Variants in INTS9 observed in about 807,000 individuals in gnomAD.
The protein encoded by INTS9 is integrator complex subunit 9, also known as protein related to CPSF subunits of 74 kDa.
In INTS9, 55 loss-of-function variants were observed where a neutral mutation model predicts 79.7. The ratio of observed to expected loss-of-function variants is 0.69; its 90% CI spans 0.56 to 0.86. INTS9 has a LOEUF of 0.86. Ranked by LOEUF, INTS9 falls within the 40% of genes least tolerant of loss-of-function variation. INTS9 has a pLI of 0.00. For synonymous variants in INTS9, 319 were observed against 325.2 expected, an observed-to-expected ratio of 0.98 and a Z score of 0.20; for missense variants, 721 against 831.5, an observed-to-expected ratio of 0.87 and a Z score of 1.64.
intron 1 of INTS9, among the ~76,000 whole-genome samples, 192 bp downstream of exon 1, chr8:28,889,682 A>G (rs1234295923): frequency 1.3e-5 from 2 of 152,118 alleles, no homozygotes; most frequent in Non-Finnish European, 2.9e-5. Flanking sequence ...ACCTCCTGGG[A>G]GGGATGGGGT....
chr8:28,882,280 A>G (rs1382265531), intron 1 of INTS9, among the ~76,000 whole-genome samples: 2 of 132,542 alleles, frequency 1.5e-5, no homozygotes, highest in East Asian at 4.0e-4. Flanking sequence ...AGTCATCACC[A>G]CTCCCTAATC....
intron 6 of INTS9, among the ~76,000 whole-genome samples, 173 bp downstream of exon 6, chr8:28,835,119 G>C (rs1806728223): frequency 6.6e-6 from 1 of 152,188 alleles, no homozygotes; most frequent in South Asian, 2.1e-4. Context: ...GCACATAGTT[G>C]CCTCTCAAAA....
intron 2 of INTS9, among the ~76,000 whole-genome samples, chr8:28,858,673 T>C (rs1317365782): frequency 1.3e-5 from 2 of 150,542 alleles, no homozygotes; most frequent in East Asian, 3.8e-4. Flanking sequence ...GGGTTATCAC[T>C]GTGAATAATC....
At chr8:28,795,765 A>C (rs538855895) in intron 9 of INTS9, among the ~76,000 whole-genome samples, 41 of 152,246 alleles carry the variant, frequency 2.7e-4, no homozygotes, top group African/African-American at 9.6e-4. Context: ...TGGCACGCTA[A>C]TCTCAGACTT....
At chr8:28,769,790 C>T (rs1802419753) in intron 16 of INTS9, 99 bp downstream of exon 16, 4 of 1,471,692 alleles carry the variant, frequency 2.7e-6, no homozygotes, top group Admixed American at 1.9e-5. Flanking sequence ...GACTAAGTGA[C>T]AAGCAGCAAC....
intron 12 of INTS9, among the ~76,000 whole-genome samples, chr8:28,778,951 C>T (rs942070733): frequency 8.5e-5 from 13 of 152,352 alleles, no homozygotes; most frequent in African/African-American, 3.1e-4. Flanking sequence ...CTCCCAGACA[C>T]AACTTCTGCC....
At chr8:28,777,377 T>C (rs1055907559) in intron 13 of INTS9, among the ~76,000 whole-genome samples, 2 of 152,144 alleles carry the variant, frequency 1.3e-5, no homozygotes, top group Admixed American at 6.5e-5. Context: ...ACTTCTTCCC[T>C]TTCTCCAGGG....
In INTS9 at chr8:28,801,199, T is replaced by G. The variant is rs183156785; in HGVS notation, c.745-4544A>C. Among the ~76,000 whole-genome samples, 15 of 152,312 alleles carry G rather than the reference T, an allele frequency of 9.8e-5. No homozygotes were observed. The East Asian group carries it at 2.1e-3, about 22-fold the overall frequency. On this transcript the variant is annotated intron_variant, in intron 8 of 16. Transcript: ENST00000521022. ...AGCAACTGCCTTAGTTCTTAAAAATTTGATTCGGCTGGGCACGGTGGCTCA... is the reference window on the plus strand; with the variant it reads ...AGCAACTGCCTTAGTTCTTAAAAATGTGATTCGGCTGGGCACGGTGGCTCA...
At chr8:28,848,315 A>G (rs747790564) in intron 3 of INTS9, among the ~76,000 whole-genome samples, 6 of 152,244 alleles carry the variant, frequency 3.9e-5, no homozygotes, top group Non-Finnish European at 8.8e-5. Flanking sequence ...ACATGTATCT[A>G]TATTTACACA....
At chr8:28,809,198 A>G (rs189587655) in intron 8 of INTS9, among the ~76,000 whole-genome samples, 1 of 152,234 alleles carries the variant, frequency 6.6e-6, no homozygotes, top group East Asian at 1.9e-4. Context: ...GGCTCAAGCA[A>G]TCATCTTGCC....
intron 6 of INTS9, among the ~76,000 whole-genome samples, chr8:28,817,905 C>T (rs1156542150): frequency 1.3e-5 from 2 of 151,168 alleles, no homozygotes; most frequent in South Asian, 4.2e-4. Context: ...GTATTTTATT[C>T]TCTTTGAAGC....
intron 1 of INTS9, among the ~76,000 whole-genome samples, chr8:28,880,600 G>T (rs1269201250): frequency 6.6e-6 from 1 of 150,598 alleles, no homozygotes; most frequent in African/African-American, 2.4e-5. Context: ...GCGTGATCTC[G>T]GCTCGCTACA....
In INTS9 at chr8:28,878,933, T is replaced by C. The variant is rs970039635; in HGVS notation, c.9+10941A>G. On this transcript the variant is annotated intron_variant, in intron 1 of 16. Coordinates refer to ENST00000521022, the MANE Select transcript of INTS9 (RefSeq NM_018250.4). ...AGGTAGAGATTGCAGTGAGCCAAGA[T>C]TGCCCACCGCACTCCGGCCTGGGTG... Among the ~76,000 whole-genome samples the C allele has an allele frequency of 1.1e-4, 16 of 151,446 alleles. No homozygotes were observed. In the East Asian group the frequency reaches 2.7e-3, roughly 26 times the overall value.
chr8:28,775,703 C>T (rs1457429864), intron 14 of INTS9, 56 bp downstream of exon 14: 1 of 1,577,152 alleles, frequency 6.3e-7, no homozygotes, highest in Non-Finnish European at 8.7e-7. Flanking sequence ...CCTGCACGAT[C>T]TCCAAGAGCC....
chr8:28,865,836 C>T (rs1808715775), intron 1 of INTS9, among the ~76,000 whole-genome samples: 1 of 152,168 alleles, frequency 6.6e-6, no homozygotes, highest in Non-Finnish European at 1.5e-5. Context: ...GCCATGATCA[C>T]TTTGAATACG....
intron 10 of INTS9, among the ~76,000 whole-genome samples, chr8:28,790,216 A>G (rs1293497224): frequency 6.6e-6 from 1 of 152,164 alleles, no homozygotes; most frequent in Non-Finnish European, 1.5e-5. Context: ...TCAGAACACC[A>G]AAGAGGAGAG....
At chr8:28,852,513 T>C (rs1807901602) in intron 2 of INTS9, among the ~76,000 whole-genome samples, 1 of 152,184 alleles carries the variant, frequency 6.6e-6, no homozygotes, top group African/African-American at 2.4e-5. Context: ...AATAAAAGTG[T>C]AATGACAAGA....
intron 14 of INTS9, among the ~76,000 whole-genome samples, chr8:28,774,267 T>C (rs975008943): frequency 6.6e-6 from 1 of 152,274 alleles, no homozygotes; most frequent in Non-Finnish European, 1.5e-5. Flanking sequence ...ATTTTTGCTT[T>C]TGTCTTTATC....
intron 1 of INTS9, among the ~76,000 whole-genome samples, chr8:28,878,942 G>A (rs571041726): frequency 5.3e-5 from 8 of 150,816 alleles, no homozygotes; most frequent in African/African-American, 1.7e-4. Context: ...ATTGCCCACC[G>A]CACTCCGGCC....
Sources: gnomAD v4.1 joint callset for allele counts (sites outside exome capture counted in the v4.1 genomes callset) on GRCh38, gnomAD v4.1.1 for gene constraint, MANE v1.5 for transcripts, NCBI Gene and HGNC (gene_info 2026-07-23, HGNC 2026-07-21) for gene names.